The following STK33 variants were observed in gnomAD, a reference collection of about 807,000 sequenced individuals.
The protein encoded by STK33 is serine/threonine-protein kinase 33.
STK33 carries 52 observed loss-of-function variants against 58.0 expected under a neutral mutation model. The ratio of observed to expected loss-of-function variants is 0.90; its 90% CI spans 0.72 to 1.13. The LOEUF is 1.13. Ranked by LOEUF, STK33 falls within the 50% of genes most tolerant of loss-of-function variation. The pLI is 0.00. For synonymous variants in STK33, 215 were observed against 200.1 expected (o/e 1.07, Z -0.63); for missense variants, 630 against 604.2 (o/e 1.04, Z -0.45).
intron 9 of STK33, among the ~76,000 whole-genome samples, chr11:8,455,715 G>T (rs529968324): frequency 3.2e-4 from 48 of 149,742 alleles, no homozygotes; most frequent in African/African-American, 1.1e-3. Flanking sequence ...GGAGGCTGCG[G>T]CAGGAGAATG....
At chr11:8,354,416 G>T in the STK33 span, among the ~76,000 whole-genome samples, 3 of 150,560 alleles carry the variant, frequency 2.0e-5, no homozygotes, top group Admixed American at 2.0e-4. Context: ...CTCATACTCA[G>T]AGCTAGAAGC....
At chr11:8,522,547 A>G (rs943407013) in intron 1 of STK33, among the ~76,000 whole-genome samples, 1 of 152,184 alleles carries the variant, frequency 6.6e-6, no homozygotes, top group Non-Finnish European at 1.5e-5. Context: ...TCAAGAAATG[A>G]AAGTGTAACA....
chr11:8,581,744 G>C (rs10769917), intron 1 of STK33, among the ~76,000 whole-genome samples: 32,600 of 152,234 alleles, frequency 0.21, 4,207 homozygotes, highest in Non-Finnish European at 0.3. Flanking sequence ...CATCCACAAT[G>C]AGCAAAAGCT....
At chr11:8,334,930 C>T in the STK33 span, among the ~76,000 whole-genome samples, 1 of 152,238 alleles carries the variant, frequency 6.6e-6, no homozygotes, top group East Asian at 1.9e-4. Flanking sequence ...ATACCCTGCT[C>T]TTGGTCTGCT....
At chr11:8,578,820 T>C (rs1042375509) in intron 1 of STK33, among the ~76,000 whole-genome samples, 2 of 152,134 alleles carry the variant, frequency 1.3e-5, no homozygotes, top group South Asian at 2.1e-4. Flanking sequence ...AGAGGCTCTA[T>C]TGGATAAGAA....
chr11:8,389,924 G>A (rs550862385), downstream of STK33, among the ~76,000 whole-genome samples: 3 of 152,244 alleles, frequency 2.0e-5, no homozygotes, highest in East Asian at 1.9e-4. Flanking sequence ...GCCTGTGTAC[G>A]GGCCCTGGGA....
intron 1 of STK33, among the ~76,000 whole-genome samples, chr11:8,508,252 C>T (rs888205079): frequency 2.0e-5 from 3 of 148,582 alleles, no homozygotes; most frequent in African/African-American, 7.5e-5. Flanking sequence ...GAAACAAATA[C>T]TCTACCTTCT....
intron 11 of STK33, among the ~76,000 whole-genome samples, chr11:8,445,004 G>C (rs1052149397): frequency 6.6e-6 from 1 of 152,168 alleles, no homozygotes; most frequent in African/African-American, 2.4e-5. Context: ...TCATGATATT[G>C]ATTCTTCCTA....
chr11:8,502,719 C>G (rs1401976560), intron 1 of STK33, among the ~76,000 whole-genome samples: 1 of 152,088 alleles, frequency 6.6e-6, no homozygotes, highest in Non-Finnish European at 1.5e-5. Flanking sequence ...GGAGAAAATA[C>G]TTGCAAACTA....
the STK33 span, among the ~76,000 whole-genome samples, chr11:8,337,770 A>G: frequency 6.6e-6 from 1 of 151,934 alleles, no homozygotes; most frequent in East Asian, 1.9e-4. Context: ...CCCTTGGCTG[A>G]GTATGCCACA....
rs147967475 is a variant in STK33 at position 8,392,514 on chromosome 11, A to G, written c.1541T>C (p.Leu514Pro). The change falls in exon 16 of 16, where the codon CTC becomes CCC. Residue 514 changes from leucine to proline, a missense_variant. Leu to Pro is a moderately conservative substitution (Grantham distance 98). Coordinates refer to ENST00000687296, the MANE Select transcript of STK33 (RefSeq NM_001352389.2). ...SGALSRTKKK[L>P] The stretch of plus-strand genomic sequence containing the variant: ...TGTCCAACACTGGAGGGAACCTTAG[A>G]GTTTCTTTTTGGTTCTGGACAGGGC... 6.9e-4 allele frequency: 1,117 copies of G among 1,614,066 alleles called. 5 individuals carry two copies. Among genetic ancestry groups the G allele is most frequent in the Non-Finnish European group, 7.0e-4 (822 of 1,180,024 alleles).
At position 8,536,790 on chromosome 11, in the gene STK33, G is replaced by C. The variant is rs1303134157; in HGVS notation, c.-465-56176C>G. Reference sequence around the variant, plus strand: ...TTGTTTATTTGTTGTTTGTTTGTTTGTTTGAAGAGACAAGGTCTCACTCTG... The same window carrying C: ...TTGTTTATTTGTTGTTTGTTTGTTTCTTTGAAGAGACAAGGTCTCACTCTG... On this transcript the variant is annotated intron_variant, in intron 1 of 15. Coordinates refer to ENST00000687296, the MANE Select transcript of STK33 (RefSeq NM_001352389.2). Among the ~76,000 whole-genome samples the C allele has an allele frequency of 6.1e-5, 9 of 148,546 alleles. No homozygotes were observed. The East Asian group carries it at 1.8e-3, about 29-fold the overall frequency.
Position 8,454,746 on chromosome 11 carries a change from T to G in STK33, c.784A>C (p.Lys262Gln), listed in dbSNP as rs769131449. 1.9e-6 allele frequency: 3 copies of G among 1,570,356 alleles called. No homozygotes were observed. The highest frequency in any genetic ancestry group is 3.7e-5 in the Admixed American group (2 of 53,736). ...TTTACCACCATTGCTAATCTTACCT[T>G]TATGTTTAAGTTTATTTCATTGTTA... ...DDNNEINLNI[K>Q]VTDFGLAVKK... The change falls in exon 10 of 16, where the codon AAG becomes CAG. Residue 262 changes from lysine (K) to glutamine (Q), a missense_variant and splice_region_variant. Coordinates refer to ENST00000687296, the MANE Select transcript of STK33 (RefSeq NM_001352389.2).
chr11:8,340,120 G>C, the STK33 span, among the ~76,000 whole-genome samples: 3 of 152,242 alleles, frequency 2.0e-5, no homozygotes, highest in Admixed American at 6.5e-5. Flanking sequence ...CAACAGCCTG[G>C]AAACAGGCTG....
chr11:8,384,284 AAG>A, the STK33 span, among the ~76,000 whole-genome samples: 1 of 152,240 alleles, frequency 6.6e-6, no homozygotes, highest in Admixed American at 6.5e-5. Flanking sequence ...ACCAGAAGAC[AAG>A]AGTGTGAGCC....
At chr11:8,545,820 C>T (rs946224928) in intron 1 of STK33, among the ~76,000 whole-genome samples, 8 of 152,162 alleles carry the variant, frequency 5.3e-5, no homozygotes, top group African/African-American at 1.9e-4. Context: ...TTTCAAAATA[C>T]AGTCATGTGT....
At chr11:8,351,767 G>A in the STK33 span, among the ~76,000 whole-genome samples, 3 of 152,276 alleles carry the variant, frequency 2.0e-5, no homozygotes, top group African/African-American at 7.2e-5. Context: ...TGCCATGCCT[G>A]GTCCATTCCA....
intron 1 of STK33, among the ~76,000 whole-genome samples, chr11:8,495,215 C>T (rs1262526615): frequency 3.3e-5 from 5 of 152,092 alleles, no homozygotes; most frequent in Non-Finnish European, 7.4e-5. Context: ...GGGCTAATAT[C>T]CAGAATCTAC....
intron 12 of STK33, among the ~76,000 whole-genome samples, chr11:8,438,201 G>A (rs1393628539): frequency 1.3e-5 from 2 of 152,164 alleles, no homozygotes; most frequent in East Asian, 1.9e-4. Flanking sequence ...ACATAAAAAT[G>A]TATCTAATGG....
Sources: gnomAD v4.1 joint callset for allele counts (sites outside exome capture counted in the v4.1 genomes callset) on GRCh38, gnomAD v4.1.1 for gene constraint, MANE v1.5 for transcripts, NCBI Gene and HGNC (gene_info 2026-07-23, HGNC 2026-07-21) for gene names.